PEDS1: variants seen among roughly 807,000 people sequenced by gnomAD.
PEDS1 encodes CarF homolog.
In PEDS1, 14 loss-of-function variants were observed where a neutral mutation model predicts 35.2. The observed-to-expected ratio is 0.40, with a 90% CI of 0.26 to 0.62. PEDS1 has a LOEUF of 0.62. PEDS1 is among the 20% of genes least tolerant of loss of function. The pLI, the probability that PEDS1 is intolerant of heterozygous loss-of-function variation, is 0.44. For synonymous variants in PEDS1, 152 were observed against 152.0 expected, an observed-to-expected ratio of 1.00 and a Z score of 0.00; for missense variants, 260 against 367.8, an observed-to-expected ratio of 0.71 and a Z score of 2.40.
At chr20:50,137,377 T>C (rs564228621) in intron 2 of PEDS1, among the ~76,000 whole-genome samples, 19 of 152,198 alleles carry the variant, frequency 1.2e-4, no homozygotes, top group Non-Finnish European at 2.1e-4. Flanking sequence ...TGACATCTGC[T>C]ACCTTAGTCA....
At position 50,121,043 on chromosome 20, in the gene PEDS1, C is replaced by T. The variant is rs2081047286; in HGVS notation, c.*4015G>A. The T allele has an allele frequency of 6.6e-6, 1 of 152,434 alleles. No individual in the cohort carries two copies. Among genetic ancestry groups the T allele is most frequent in the African/African-American group, 2.4e-5 (1 of 41,464 alleles). The allele number at this position is 152,434 out of a possible 1,614,324, so 9.4% of individuals were successfully genotyped here. A position where few individuals can be genotyped will look rare whatever the true frequency, so the allele number is the denominator to read the frequency against. On this transcript the variant is annotated 3_prime_UTR_variant, in exon 6 of 6. Transcript: ENST00000371652. ...GACAGCAGCACATGCCTACCTGAAA[C>T]CAAGCCATCCCACAGCAGCTGGGAG...
rs1375285402 is a variant in PEDS1 at position 50,118,286 on chromosome 20, G to A, written c.*6772C>T. ...TACAGCAAATATTTATTGAGCATTT[G>A]CCATATTCCAGGAACATGGTATTTT... On this transcript the variant is annotated 3_prime_UTR_variant, in exon 6 of 6. Coordinates refer to ENST00000371652, the MANE Select transcript of PEDS1 (RefSeq NM_199129.4). The A allele has an allele frequency of 6.6e-6, 1 of 152,164 alleles. No individual in the cohort carries two copies. The highest frequency in any genetic ancestry group is 1.5e-5 in the Non-Finnish European group (1 of 68,030). The allele number at this position is 152,164 out of a possible 1,614,324, so 9.4% of individuals were successfully genotyped here. A position where few individuals can be genotyped will look rare whatever the true frequency, so the allele number is the denominator to read the frequency against.
In PEDS1 at chr20:50,121,417, T is replaced by G. The variant is rs1020112219; in HGVS notation, c.*3641A>C. 9 of 152,486 alleles carry G rather than the reference T, an allele frequency of 5.9e-5. No homozygotes were observed. Among genetic ancestry groups the G allele is most frequent in the South Asian group, 2.1e-4 (1 of 4,838 alleles). 9.4% of individuals were successfully genotyped at this position (152,486 alleles called of 1,614,324 possible). A position where few individuals can be genotyped will look rare whatever the true frequency, so the allele number is the denominator to read the frequency against. On this transcript the variant is annotated 3_prime_UTR_variant, in exon 6 of 6. Coordinates refer to ENST00000371652, the MANE Select transcript of PEDS1 (RefSeq NM_199129.4). ...GCTGTGTGACCTTGGGCATATTACATGACCTCTGTGCCTCAGTTTCCCCAT... is the reference window on the plus strand; with the variant it reads ...GCTGTGTGACCTTGGGCATATTACAGGACCTCTGTGCCTCAGTTTCCCCAT...
rs757095213 is a variant in PEDS1, at chr20:50,127,982, G to A, written c.684C>T (p.Ile228=). Residue 228 remains isoleucine, a synonymous_variant, in exon 5 of 6, where the codon ATC becomes ATT. Coordinates refer to ENST00000371652, the MANE Select transcript of PEDS1 (RefSeq NM_199129.4). ...HVSPHETYFC[I]TTGWLNYPLE... ...CGCCACTGGTGGCCGCACCTGTGGTGATGCAGAAGTAGGTCTCGTGGGGTG... is the reference window on the plus strand; with the variant it reads ...CGCCACTGGTGGCCGCACCTGTGGTAATGCAGAAGTAGGTCTCGTGGGGTG... The A allele has an allele frequency of 8.7e-6, 14 of 1,613,968 alleles. No individual in the cohort carries two copies. The highest frequency in any genetic ancestry group is 1.2e-5 in the Non-Finnish European group (14 of 1,179,952).
intron 1 of PEDS1, among the ~76,000 whole-genome samples, chr20:50,146,530 G>C (rs1184748101): frequency 6.6e-6 from 1 of 152,176 alleles, no homozygotes; most frequent in Non-Finnish European, 1.5e-5. Context: ...TGGGAAGGAA[G>C]TACTGGGTTC....
At chr20:50,126,374 A>T (rs926331781) in intron 5 of PEDS1, among the ~76,000 whole-genome samples, 2 of 152,190 alleles carry the variant, frequency 1.3e-5, no homozygotes, top group Non-Finnish European at 2.9e-5. Flanking sequence ...CTAAGTAGTT[A>T]ACCCATCTCC....
rs59829432 is a variant in PEDS1, at chr20:50,120,268, AAAAC to A, written c.*4786_*4789del. ...CAACAGAGCAAGACCCTGTCTCTAA[AAAAC>A]AAACAAACAAACAAACAAACAAACA... On this transcript the variant is annotated 3_prime_UTR_variant, in exon 6 of 6. Transcript: ENST00000371652. 2.9e-3 allele frequency: 564 copies of A among 194,052 alleles called. 2 individuals are homozygous for A. Among genetic ancestry groups the A allele is most frequent in the African/African-American group, 8.1e-3 (334 of 41,052 alleles). The allele number at this position is 194,052 out of a possible 1,614,324, so 12.0% of individuals were successfully genotyped here. A position where few individuals can be genotyped will look rare whatever the true frequency, so the allele number is the denominator to read the frequency against.
intron 2 of PEDS1, among the ~76,000 whole-genome samples, chr20:50,136,826 C>A (rs1290603630): frequency 6.6e-6 from 1 of 151,736 alleles, no homozygotes; most frequent in Non-Finnish European, 1.5e-5. Flanking sequence ...TGCTTGAGTC[C>A]TGGAGTTCAG....
At chr20:50,146,140 G>C (rs1384440947) in intron 1 of PEDS1, among the ~76,000 whole-genome samples, 1 of 152,188 alleles carries the variant, frequency 6.6e-6, no homozygotes, top group Admixed American at 6.5e-5. Context: ...GTCAGGGCCA[G>C]AGCAGGTGAG....
At chr20:50,150,333 C>T (rs1211911916) in intron 1 of PEDS1, among the ~76,000 whole-genome samples, 1 of 152,208 alleles carries the variant, frequency 6.6e-6, no homozygotes, top group African/African-American at 2.4e-5. Flanking sequence ...AACCCAGGAA[C>T]TTCTTCTACT....
intron 1 of PEDS1, among the ~76,000 whole-genome samples, chr20:50,149,144 C>T (rs150753472): frequency 5.3e-5 from 8 of 152,106 alleles, no homozygotes; most frequent in African/African-American, 1.7e-4. Context: ...CCGAAAGAAA[C>T]AAAGATGAGA....
At chr20:50,130,993 A>G (rs369863104) in intron 2 of PEDS1, 46 bp from the exon 3 acceptor site, 10 of 1,614,070 alleles carry the variant, frequency 6.2e-6, no homozygotes, top group African/African-American at 1.3e-5. Flanking sequence ...CACCCCCCCA[A>G]TCAGAATCAC....
intron 1 of PEDS1, among the ~76,000 whole-genome samples, chr20:50,150,201 G>T (rs902390638): frequency 4.6e-5 from 7 of 152,184 alleles, no homozygotes; most frequent in African/African-American, 1.7e-4. Flanking sequence ...GAGCAGGTGA[G>T]GAAAATGCCA....
intron 2 of PEDS1, among the ~76,000 whole-genome samples, chr20:50,141,862 T>C (rs1050436253): frequency 6.6e-6 from 1 of 152,180 alleles, no homozygotes. Context: ...CAGACCCAGA[T>C]GGCTCAATTA....
chr20:50,136,865 T>C (rs1443215306), intron 2 of PEDS1, among the ~76,000 whole-genome samples: 2 of 151,904 alleles, frequency 1.3e-5, no homozygotes, highest in Admixed American at 1.3e-4. Context: ...AGCGAAACCC[T>C]GTCTGTATAT....
At chr20:50,147,853 G>A (rs1420734444) in intron 1 of PEDS1, among the ~76,000 whole-genome samples, 1 of 151,784 alleles carries the variant, frequency 6.6e-6, no homozygotes, top group Non-Finnish European at 1.5e-5. Context: ...AAGAGTTCGA[G>A]ATCAGCCTGG....
chr20:50,129,780 C>T lies in PEDS1; in HGVS notation c.334-90G>A, dbSNP rs921296061. 8.4e-6 allele frequency: 13 copies of T among 1,544,686 alleles called. No individual in the cohort carries two copies. Among genetic ancestry groups the T allele is most frequent in the Non-Finnish European group, 1.0e-5 (12 of 1,146,794 alleles). Reference sequence around the variant, plus strand: ...CCTAAACACATTCACCCTGGGCTCACCTCCCGCCTTTGATCCTAAGTTTCC... The same window carrying T: ...CCTAAACACATTCACCCTGGGCTCATCTCCCGCCTTTGATCCTAAGTTTCC... On this transcript the variant is annotated intron_variant, in intron 3 of 5. Transcript: ENST00000371652. This position sits in a 1 kb window ranked among gnomAD's most constrained non-coding sequence, Gnocchi z 4.2.
In PEDS1 at chr20:50,141,290, C is replaced by T. The variant is rs139993558; in HGVS notation, c.241+2212G>A. Among the ~76,000 whole-genome samples, 79 of 152,360 alleles carry T rather than the reference C, an allele frequency of 5.2e-4. 1 individual carries two copies. In the East Asian group the frequency reaches 9.1e-3, roughly 17 times the overall value. On this transcript the variant is annotated intron_variant, in intron 2 of 5. Coordinates refer to ENST00000371652, the MANE Select transcript of PEDS1 (RefSeq NM_199129.4). Reference sequence around the variant, plus strand: ...TAGCCTCTCAGATGGTGATGGGAACCTCCTCACTAGGGTAGCACAAAGAGT... The same window carrying T: ...TAGCCTCTCAGATGGTGATGGGAACTTCCTCACTAGGGTAGCACAAAGAGT...
chr20:50,146,740 A>C (rs1483832617), intron 1 of PEDS1, among the ~76,000 whole-genome samples: 1 of 152,178 alleles, frequency 6.6e-6, no homozygotes. Context: ...GTGCAGAAGA[A>C]GACCGTGAAG....
Sources: allele counts gnomAD v4.1 joint callset (sites outside exome capture counted in the v4.1 genomes callset), GRCh38; gene constraint gnomAD v4.1.1; non-coding constraint Gnocchi (gnomAD v3.1); transcripts MANE v1.5; gene names NCBI Gene and HGNC (gene_info 2026-07-23, HGNC 2026-07-21).